RNF111: variants seen among roughly 807,000 people sequenced by gnomAD.
RNF111 encodes ring finger protein 111.
RNF111 carries 17 observed loss-of-function variants against 95.1 expected under a neutral mutation model. That is an observed-to-expected ratio of 0.18 (90% CI 0.12 to 0.27). The LOEUF is 0.27. RNF111 is among the 10% of genes least tolerant of loss of function. RNF111 has a pLI of 1.00. For synonymous variants in RNF111, 440 were observed against 414.8 expected, an observed-to-expected ratio of 1.06 and a Z score of -0.74; for missense variants, 1,189 against 1,210.4, an observed-to-expected ratio of 0.98 and a Z score of 0.26.
intron 3 of RNF111, among the ~76,000 whole-genome samples, chr15:59,054,012 C>T (rs914903754): frequency 9.9e-4 from 150 of 152,154 alleles, no homozygotes; most frequent in African/African-American, 3.4e-3. Context: ...CTTGGCTCAC[C>T]GCAGCCTCCA....
At chr15:59,027,568 G>A (rs757130780) in intron 1 of RNF111, among the ~76,000 whole-genome samples, 18 of 149,084 alleles carry the variant, frequency 1.2e-4, no homozygotes, top group Non-Finnish European at 2.4e-4. Context: ...TTGCTCTGTT[G>A]CCCAGGCTGG....
intron 2 of RNF111, among the ~76,000 whole-genome samples, chr15:59,043,157 ATTT>A (rs201949013): frequency 6.9e-6 from 1 of 145,118 alleles, no homozygotes. Flanking sequence ...CAATTTAGTA[ATTT>A]TTTTTTTTTT....
Position 59,084,126 on chromosome 15 carries a change from C to T in RNF111, c.2298-3C>T, listed in dbSNP as rs2140193161. On this transcript the variant is annotated splice_region_variant and splice_polypyrimidine_tract_variant and intron_variant, in intron 8 of 13. Coordinates refer to ENST00000348370, the MANE Select transcript of RNF111 (RefSeq NM_017610.8). Reference sequence around the variant, plus strand: ...GTGGTCTTTTTGTGTTCTGTGTTTCCAGGCGGGCACATGAACGCCCCCCAC... The same window carrying T: ...GTGGTCTTTTTGTGTTCTGTGTTTCTAGGCGGGCACATGAACGCCCCCCAC... The T allele has an allele frequency of 6.3e-7, 1 of 1,577,138 alleles. No homozygotes were observed. Among genetic ancestry groups the T allele is most frequent in the East Asian group, 2.3e-5 (1 of 42,802 alleles).
At chr15:59,040,048 C>T (rs1452808201) in intron 2 of RNF111, among the ~76,000 whole-genome samples, 1 of 152,012 alleles carries the variant, frequency 6.6e-6, no homozygotes, top group Non-Finnish European at 1.5e-5. Context: ...ATAGAGACTA[C>T]AGTCTGGGAA....
intron 1 of RNF111, among the ~76,000 whole-genome samples, chr15:58,993,408 G>A (rs960728432): frequency 1.3e-5 from 2 of 151,654 alleles, no homozygotes; most frequent in African/African-American, 4.9e-5. Context: ...CGTGGTGGTG[G>A]GTGCCTGTAA....
At chr15:59,046,719 A>G (rs1229910180) in intron 2 of RNF111, among the ~76,000 whole-genome samples, 1 of 152,232 alleles carries the variant, frequency 6.6e-6, no homozygotes, top group Non-Finnish European at 1.5e-5. Flanking sequence ...AGAAGTTGCC[A>G]ATTTGAACAT....
chr15:59,005,470 A>G (rs1184329775), intron 1 of RNF111, among the ~76,000 whole-genome samples: 1 of 152,246 alleles, frequency 6.6e-6, no homozygotes, highest in South Asian at 2.1e-4. Context: ...TGCTCCCAAC[A>G]TTAGATCCCG....
intron 1 of RNF111, among the ~76,000 whole-genome samples, chr15:59,029,777 GC>G (rs1350323670): frequency 2.0e-5 from 3 of 152,132 alleles, no homozygotes; most frequent in African/African-American, 7.2e-5. Context: ...TTTCTAGGGT[GC>G]TGGTTATGTT....
intron 1 of RNF111, among the ~76,000 whole-genome samples, chr15:58,988,585 C>G (rs1595998899): frequency 6.6e-6 from 1 of 152,208 alleles, no homozygotes; most frequent in African/African-American, 2.4e-5. Flanking sequence ...TTACTATTGT[C>G]CTTCGATAAT....
At chr15:59,010,268 G>A (rs757090806) in intron 1 of RNF111, among the ~76,000 whole-genome samples, 10 of 152,030 alleles carry the variant, frequency 6.6e-5, no homozygotes, top group Non-Finnish European at 1.5e-4. Flanking sequence ...CCCATGACAT[G>A]TAAATATAAA....
rs2038626284 is a variant in RNF111 at position 58,987,702 on chromosome 15, CGGCGGCGGCGGCGA to C, written c.-385_-372del. On this transcript the variant is annotated 5_prime_UTR_variant, in exon 1 of 14. Transcript: ENST00000348370. Reference sequence around the variant, plus strand: ...CTCGGTAGGGGAGGAATTGGTTAGGCGGCGGCGGCGGCGAAGCGGCGGCGGCGGCTGTAGGGGAG... The same window carrying C: ...CTCGGTAGGGGAGGAATTGGTTAGGCAGCGGCGGCGGCGGCTGTAGGGGAG... 5.6e-6 allele frequency: 1 copy of C among 177,450 alleles called. No individual in the cohort carries two copies. The highest frequency in any genetic ancestry group is 1.2e-5 in the Non-Finnish European group (1 of 86,820). The allele number at this position is 177,450 out of a possible 1,614,324, so 11.0% of individuals were successfully genotyped here.
chr15:59,058,263 A>G (rs1030209125), intron 4 of RNF111, 93 bp from the exon 5 acceptor site: 1 of 1,018,266 alleles, frequency 9.8e-7, no homozygotes, highest in Non-Finnish European at 1.4e-6. Flanking sequence ...AAGTTTTTTT[A>G]TTTATTAATT....
In RNF111 at chr15:59,058,367, G is replaced by A. The variant is rs1457734219; in HGVS notation, c.1183G>A (p.Val395Ile). ...TTTGTATTTTGTAGAACCTACTGTA[G>A]TACCAACCACTTCTGCAAGAATGGA... ...LTVDEDEPTV[V>I]PTTSARMESQ... Residue 395 changes from valine to isoleucine, a missense_variant, in exon 5 of 14, where the codon GTA (valine) becomes ATA (isoleucine). This residue lies in a region of RNF111 where 1,024 missense variants were observed against 925.9 expected (regional missense o/e 1.11). Transcript: ENST00000348370. 6.2e-7 allele frequency: 1 copy of A among 1,613,862 alleles called. No individual in the cohort carries two copies.
chr15:59,031,089 C>G lies in RNF111; in HGVS notation c.267C>G (p.Leu89=). ...NGNQQEQEKS[L]VVRKKRKSQQ... ...ACCAGCAAGAACAAGAAAAAAGTCT[C>G]GTTGTGAGGAAAAAACGCAAAAGCC... Residue 89 remains leucine, a synonymous_variant, in exon 2 of 14, where the codon CTC becomes CTG. Transcript: ENST00000348370. 1 of 1,614,172 alleles carries G rather than the reference C, an allele frequency of 6.2e-7. No homozygotes were observed. The highest frequency in any genetic ancestry group is 8.5e-7 in the Non-Finnish European group (1 of 1,180,040).
chr15:59,017,451 T>C (rs2040121769), intron 1 of RNF111, among the ~76,000 whole-genome samples: 1 of 152,208 alleles, frequency 6.6e-6, no homozygotes, highest in African/African-American at 2.4e-5. Context: ...CTGTTACAGA[T>C]TGTTAAATTT....
In RNF111 at chr15:59,095,711, A is replaced by G. The variant is rs2079165687; in HGVS notation, c.*811A>G. ...CACTAAATATTAATTTCAATTAGCT[A>G]GATTGTACATACTTGCAGATTTAAC... On this transcript the variant is annotated 3_prime_UTR_variant, in exon 14 of 14. Transcript: ENST00000348370. The G allele has an allele frequency of 3.5e-6, 1 of 285,326 alleles. No individual in the cohort carries two copies. The highest frequency in any genetic ancestry group is 6.4e-6 in the Non-Finnish European group (1 of 155,696). The allele number at this position is 285,326 out of a possible 1,614,324, so 17.7% of individuals were successfully genotyped here. A position where few individuals can be genotyped will look rare whatever the true frequency, so the allele number is the denominator to read the frequency against.
chr15:59,014,589 A>G (rs944899334), intron 1 of RNF111, among the ~76,000 whole-genome samples: 1 of 152,116 alleles, frequency 6.6e-6, no homozygotes, highest in Non-Finnish European at 1.5e-5. Flanking sequence ...AGAAATGTAT[A>G]CTTGTTTTAG....
chr15:59,057,227 C>T (rs536964828), intron 4 of RNF111, among the ~76,000 whole-genome samples: 4 of 152,176 alleles, frequency 2.6e-5, no homozygotes, highest in African/African-American at 4.8e-5. Context: ...TCCTCCCCAG[C>T]GAACAAAAAA....
chr15:59,026,043 T>G (rs1037603876), intron 1 of RNF111, among the ~76,000 whole-genome samples: 3 of 151,990 alleles, frequency 2.0e-5, no homozygotes, highest in African/African-American at 4.8e-5. Flanking sequence ...TTTTTTTTTT[T>G]CTTTTAAAAT....
Sources: allele counts gnomAD v4.1 joint callset (sites outside exome capture counted in the v4.1 genomes callset), GRCh38; gene constraint gnomAD v4.1.1; regional missense constraint gnomAD v4.1.1; transcripts MANE v1.5; gene names NCBI Gene and HGNC (gene_info 2026-07-23, HGNC 2026-07-21).